PTDSS1: variants seen among roughly 807,000 people sequenced by gnomAD.
The protein encoded by PTDSS1 is PSS-1.
A neutral mutation model predicts 70.5 loss-of-function variants in PTDSS1; 45 were observed. The observed-to-expected ratio is 0.64, with a 90% CI of 0.50 to 0.82. PTDSS1 has a LOEUF of 0.82. Among genes scored for constraint, PTDSS1 ranks in the 40% least tolerant of loss-of-function variants. The pLI, the probability that PTDSS1 is intolerant of heterozygous loss-of-function variation, is 0.00. For synonymous variants in PTDSS1, 188 were observed against 203.8 expected (o/e 0.92, Z 0.66); for missense variants, 417 against 586.1 (o/e 0.71, Z 2.98).
chr8:96,306,040 TG>T (rs1365804715), intron 7 of PTDSS1, among the ~76,000 whole-genome samples: 70 of 152,340 alleles, frequency 4.6e-4, no homozygotes, highest in African/African-American at 1.6e-3. Flanking sequence ...CTGTTAGACC[TG>T]GCCTGATTTC....
intron 7 of PTDSS1, among the ~76,000 whole-genome samples, chr8:96,304,951 G>C (rs1236224498): frequency 6.6e-6 from 1 of 152,240 alleles, no homozygotes; most frequent in Non-Finnish European, 1.5e-5. Flanking sequence ...TTTTAGGACA[G>C]ATGATCTTCC....
intron 6 of PTDSS1, among the ~76,000 whole-genome samples, chr8:96,303,113 G>T (rs529577735): frequency 6.6e-6 from 1 of 152,214 alleles, no homozygotes; most frequent in East Asian, 1.9e-4. Context: ...TCTGATTCTT[G>T]ATCACGCTGC....
At chr8:96,293,275 C>T (rs1263629092) in intron 4 of PTDSS1, among the ~76,000 whole-genome samples, 4 of 152,296 alleles carry the variant, frequency 2.6e-5, no homozygotes, top group East Asian at 3.9e-4. Flanking sequence ...ATAGTGGCAG[C>T]GAGATGCATA....
In PTDSS1 at chr8:96,280,542, T is replaced by C. The variant is rs1810721028; in HGVS notation, c.272-3567T>C. Among the ~76,000 whole-genome samples, 4 of 152,036 alleles carry C rather than the reference T, an allele frequency of 2.6e-5. No individual in the cohort carries two copies. In the South Asian group the frequency reaches 8.3e-4, roughly 32 times the overall value. On this transcript the variant is annotated intron_variant, in intron 2 of 12. Coordinates refer to ENST00000517309, the MANE Select transcript of PTDSS1 (RefSeq NM_014754.3). ...GAGATCGCGCCAGTGCACTCCAGCC[T>C]AGGTGACAGGGTGAGACTCGTCTCA...
At chr8:96,332,328 A>G (rs1318272774) in intron 12 of PTDSS1, among the ~76,000 whole-genome samples, 1 of 152,222 alleles carries the variant, frequency 6.6e-6, no homozygotes, top group African/African-American at 2.4e-5. Context: ...TAGAAATACT[A>G]AAGACTGAAT....
Position 96,312,276 on chromosome 8 carries a change from C to T in PTDSS1, c.1073+2654C>T, listed in dbSNP as rs549778604. 2.3e-3 allele frequency among the ~76,000 whole-genome samples: 356 copies of T among 152,116 alleles called. 1 individual carries two copies. The highest frequency in any genetic ancestry group is 3.0e-3 in the Non-Finnish European group (204 of 68,030). On this transcript the variant is annotated intron_variant, in intron 9 of 12. Transcript: ENST00000517309. ...GACTAGCCTGGGTAACATAGCGAGACGTTGTCTCCACAAAAAGTTTTTTAA... is the reference window on the plus strand; with the variant it reads ...GACTAGCCTGGGTAACATAGCGAGATGTTGTCTCCACAAAAAGTTTTTTAA...
At chr8:96,281,692 G>A (rs1345791053) in intron 2 of PTDSS1, among the ~76,000 whole-genome samples, 1 of 152,094 alleles carries the variant, frequency 6.6e-6, no homozygotes. Context: ...TCAACCCTCA[G>A]ATACCGTCTC....
At chr8:96,315,787 C>T (rs1220471684) in intron 9 of PTDSS1, among the ~76,000 whole-genome samples, 1 of 152,174 alleles carries the variant, frequency 6.6e-6, no homozygotes. Flanking sequence ...AGTGGAGGCC[C>T]TGACTGAATT....
intron 10 of PTDSS1, among the ~76,000 whole-genome samples, chr8:96,327,543 A>G (rs927103938): frequency 3.3e-5 from 5 of 152,206 alleles, no homozygotes; most frequent in African/African-American, 7.2e-5. Flanking sequence ...ACATTATTCA[A>G]TAAGAGAGCT....
Position 96,274,275 on chromosome 8 carries a change from G to A in PTDSS1, c.271+885G>A, listed in dbSNP as rs567538139. On this transcript the variant is annotated intron_variant, in intron 2 of 12. Transcript: ENST00000517309. ...ATGCATTTCTTTTGTAACCGCTCAT[G>A]CTATTCAGTAGGCTATCATGTGTAA... Among the ~76,000 whole-genome samples the A allele has an allele frequency of 5.9e-5, 9 of 152,074 alleles. No individual in the cohort carries two copies. The South Asian group carries it at 1.9e-3, about 32-fold the overall frequency.
chr8:96,298,635 AGCC>A, intron 5 of PTDSS1, among the ~76,000 whole-genome samples: 1 of 152,270 alleles, frequency 6.6e-6, no homozygotes, highest in East Asian at 1.9e-4. Flanking sequence ...TTCTTGTAGA[AGCC>A]CTCTCCAGGA....
chr8:96,313,540 A>G (rs1811241920), intron 9 of PTDSS1, among the ~76,000 whole-genome samples: 1 of 152,202 alleles, frequency 6.6e-6, no homozygotes. Context: ...AAATAGAAGC[A>G]GTGTTTTATC....
chr8:96,320,397 C>T, intron 10 of PTDSS1, 52 bp downstream of exon 10: 2 of 1,447,638 alleles, frequency 1.4e-6, no homozygotes, highest in South Asian at 2.4e-5. Flanking sequence ...CATAGTATCA[C>T]TTTAAACGGA....
At chr8:96,276,515 T>C (rs1290897947) in intron 2 of PTDSS1, among the ~76,000 whole-genome samples, 1 of 152,082 alleles carries the variant, frequency 6.6e-6, no homozygotes, top group Non-Finnish European at 1.5e-5. Flanking sequence ...GCCACAGAGC[T>C]CATCTAGTTC....
intron 12 of PTDSS1, 54 bp from the exon 13 acceptor site, chr8:96,333,403 A>C (rs1396916164): frequency 4.6e-6 from 7 of 1,511,590 alleles, no homozygotes; most frequent in Non-Finnish European, 6.4e-6. Flanking sequence ...GGAAAGGGAC[A>C]GTCACCAATC....
intron 1 of PTDSS1, among the ~76,000 whole-genome samples, chr8:96,267,835 C>T (rs1229771068): frequency 6.6e-6 from 1 of 152,196 alleles, no homozygotes; most frequent in Non-Finnish European, 1.5e-5. Context: ...TCACGTGTCC[C>T]ATACCTAGGC....
intron 12 of PTDSS1, among the ~76,000 whole-genome samples, chr8:96,332,017 T>TAAA (rs59720395): frequency 1.6e-5 from 1 of 63,784 alleles, no homozygotes; most frequent in South Asian, 1.1e-3. Context: ...CCCTGCCTCT[T>TAAA]AAAAAAAAAA....
Position 96,262,270 on chromosome 8 carries a change from C to T in PTDSS1, c.179+51C>T, listed in dbSNP as rs757216635. ...GCGCGTCCAAGGGCTAGGGAAGAGG[C>T]GGGAGGGAGGGTGGCGGGGAGGGGG... is the stretch of plus-strand genomic sequence containing the variant. On this transcript the variant is annotated intron_variant, in intron 1 of 12. Transcript: ENST00000517309. The surrounding 1 kb of genome is among the most constrained non-coding windows in gnomAD (Gnocchi z 4.4). 6 of 280,052 alleles carry T rather than the reference C, an allele frequency of 2.1e-5. No individual in the cohort carries two copies. Among genetic ancestry groups the T allele is most frequent in the East Asian group, 1.1e-4 (1 of 9,436 alleles). The allele number at this position is 280,052 out of a possible 1,614,324, so 17.3% of individuals were successfully genotyped here. A position where few individuals can be genotyped will look rare whatever the true frequency, so the allele number is the denominator to read the frequency against.
At chr8:96,297,870 C>T (rs767882356) in intron 5 of PTDSS1, among the ~76,000 whole-genome samples, 4 of 152,348 alleles carry the variant, frequency 2.6e-5, no homozygotes, top group Middle Eastern at 3.4e-3. Context: ...TTCCCAGACC[C>T]AAGGACTTTG....
Sources: gnomAD v4.1 joint callset for allele counts (sites outside exome capture counted in the v4.1 genomes callset) on GRCh38, gnomAD v4.1.1 for gene constraint, Gnocchi (gnomAD v3.1) non-coding constraint, MANE v1.5 for transcripts, NCBI Gene and HGNC (gene_info 2026-07-23, HGNC 2026-07-21) for gene names.